Variants in KIF4A observed in about 807,000 individuals in gnomAD.
The protein encoded by KIF4A is kinesin family member 4A, also known as chromosome-associated kinesin KIF4A.
In KIF4A, 7 loss-of-function variants were observed where a neutral mutation model predicts 105.9. That is an observed-to-expected ratio of 0.07 (90% CI 0.04 to 0.12). The LOEUF (loss-of-function observed/expected upper bound fraction) is 0.12. Among genes scored for constraint, KIF4A ranks in the 10% least tolerant of loss-of-function variants. KIF4A has a pLI of 1.00. For missense variants in KIF4A, 558 were observed against 929.2 expected (o/e 0.60, Z 5.19); for synonymous variants, 281 against 331.3 (o/e 0.85, Z 1.65).
intron 24 of KIF4A, among the ~76,000 whole-genome samples, 184 bp downstream of exon 24, chrX:70,404,218 C>A (rs191402343): frequency 8.9e-6 from 1 of 112,133 alleles, no homozygotes; most frequent in African/African-American, 3.2e-5. Context: ...ATACCAGTGA[C>A]AATGGCTCTG....
chrX:70,362,401 C>T (rs752137060), intron 15 of KIF4A: 5 of 192,132 alleles, frequency 2.6e-5, no homozygotes, highest in Non-Finnish European at 2.0e-5. Flanking sequence ...CTGGGTGCCC[C>T]GCCCATTGTA....
intron 28 of KIF4A, among the ~76,000 whole-genome samples, chrX:70,412,058 T>C (rs777084361): frequency 2.7e-5 from 3 of 111,498 alleles, no homozygotes; most frequent in African/African-American, 9.8e-5. Flanking sequence ...AGGGACACAT[T>C]CTGTCTTTGA....
intron 13 of KIF4A, among the ~76,000 whole-genome samples, chrX:70,350,461 G>A (rs967984973): frequency 7.3e-5 from 8 of 109,900 alleles, no homozygotes; most frequent in South Asian, 4.0e-4. Context: ...GTCCAGCCTC[G>A]GCAACAGAGG....
At chrX:70,347,879 G>T (rs1453303766) in intron 13 of KIF4A, among the ~76,000 whole-genome samples, 3 of 90,593 alleles carry the variant, frequency 3.3e-5, no homozygotes, top group Non-Finnish European at 6.5e-5. Context: ...GGAGGCTGAG[G>T]CAGGAGAATG....
At chrX:70,371,230 G>A (rs186205307) in intron 15 of KIF4A, among the ~76,000 whole-genome samples, 151 of 63,688 alleles carry the variant, frequency 2.4e-3, no homozygotes, top group African/African-American at 4.9e-3. Flanking sequence ...TCTAGACTTC[G>A]TTTTCTTTTT....
intron 15 of KIF4A, chrX:70,362,464 T>G (rs970962823): frequency 1.5e-5 from 2 of 130,083 alleles, no homozygotes; most frequent in African/African-American, 6.4e-5. Flanking sequence ...TAGTAAGAGA[T>G]CTAGTCTTTT....
chrX:70,364,642 A>G (rs1475194442), intron 15 of KIF4A, among the ~76,000 whole-genome samples: 1 of 111,375 alleles, frequency 9.0e-6, no homozygotes, highest in East Asian at 2.8e-4. Flanking sequence ...TGGTTGCTGT[A>G]GCCTTGTAGT....
chrX:70,409,492 A>G (rs1362402925), intron 28 of KIF4A, among the ~76,000 whole-genome samples: 1 of 111,851 alleles, frequency 8.9e-6, no homozygotes, highest in Non-Finnish European at 1.9e-5. Flanking sequence ...GGCAGAGTTG[A>G]GAAGTACACA....
At position 70,313,824 on chromosome X, in the gene KIF4A, G is replaced by A. The variant is rs1360833985; in HGVS notation, c.778+11426G>A. On this transcript the variant is annotated intron_variant, in intron 7 of 30. Transcript: ENST00000374403. ...AGGAATTTTACTCAATTGCATTAGAGGGTTTTACATACACATTCTGGGTTG... is the reference window on the plus strand; with the variant it reads ...AGGAATTTTACTCAATTGCATTAGAAGGTTTTACATACACATTCTGGGTTG... Among the ~76,000 whole-genome samples the A allele has an allele frequency of 2.7e-5, 3 of 112,335 alleles. No individual in the cohort carries two copies. The East Asian group carries it at 8.3e-4, about 31-fold the overall frequency.
In KIF4A at chrX:70,405,921, A is replaced by C; in HGVS notation, c.2976+16A>C. On this transcript the variant is annotated intron_variant, in intron 26 of 30. Coordinates refer to ENST00000374403, the MANE Select transcript of KIF4A (RefSeq NM_012310.5). ...CATCAAGCAGGTAATACAGTTTCCC[A>C]CCCACTTGATAAGCCCTAAGAGACC... 1 of 1,181,641 alleles carries C rather than the reference A, an allele frequency of 8.5e-7. No individual in the cohort carries two copies. The highest frequency in any genetic ancestry group is 1.2e-6 in the Non-Finnish European group (1 of 868,456).
chrX:70,292,161 A>G (rs12006992), intron 3 of KIF4A, among the ~76,000 whole-genome samples: 1,841 of 111,933 alleles, frequency 0.016, 37 homozygotes, highest in African/African-American at 0.056. Context: ...ACAAAAAAGG[A>G]CTTTCTTCTA....
rs1194824037 is a variant in KIF4A, at chrX:70,386,676, A to G, written c.2093A>G (p.Asn698Ser). 28 of 1,203,452 alleles carry G rather than the reference A, an allele frequency of 2.3e-5. No individual in the cohort carries two copies. Among genetic ancestry groups the G allele is most frequent in the Non-Finnish European group, 3.0e-5 (27 of 889,221 alleles). Reference protein sequence around the residue: ...KLERNFQKQSNVLRRKTEEAA... With the variant: ...KLERNFQKQSSVLRRKTEEAA... ...GAAAGAAACTTCCAGAAACAATCCA[A>G]TGTGCTCAGACGTAAAACGGAGGAG... The change falls in exon 19 of 31, where the codon AAT becomes AGT. Residue 698 changes from asparagine (N) to serine (S), a missense_variant. Asn to Ser is a conservative substitution (Grantham distance 46). This residue lies in a region of KIF4A where 469 missense variants were observed against 680.4 expected (regional missense o/e 0.69). Coordinates refer to ENST00000374403, the MANE Select transcript of KIF4A (RefSeq NM_012310.5).
intron 5 of KIF4A, among the ~76,000 whole-genome samples, chrX:70,301,045 G>A (rs753932089): frequency 1.8e-5 from 2 of 111,939 alleles, no homozygotes; most frequent in African/African-American, 3.2e-5. Context: ...TTCAAAAGGA[G>A]AATGACTAGT....
At chrX:70,317,451 C>G (rs868722892) in intron 7 of KIF4A, among the ~76,000 whole-genome samples, 148 of 110,646 alleles carry the variant, frequency 1.3e-3, no homozygotes, top group African/African-American at 4.3e-3. Context: ...AAAACACTTC[C>G]AGCACCCATG....
At chrX:70,344,689 C>T (rs2085985414) in intron 13 of KIF4A, among the ~76,000 whole-genome samples, 1 of 111,659 alleles carries the variant, frequency 9.0e-6, no homozygotes, top group African/African-American at 3.3e-5. Context: ...GTTTATTATT[C>T]TGAAACAGTG....
chrX:70,353,365 A>G (rs904409520), intron 14 of KIF4A, among the ~76,000 whole-genome samples: 1 of 112,346 alleles, frequency 8.9e-6, no homozygotes, highest in East Asian at 2.8e-4. Context: ...ATCCAGATCA[A>G]TAAAGGAAAG....
chrX:70,355,889 C>T (rs2086049117), intron 15 of KIF4A, among the ~76,000 whole-genome samples: 1 of 112,089 alleles, frequency 8.9e-6, no homozygotes, highest in East Asian at 2.8e-4. Flanking sequence ...AAAAGTGTTT[C>T]TGCTAATTAA....
At chrX:70,323,910 T>G (rs907441189) in intron 7 of KIF4A, among the ~76,000 whole-genome samples, 11 of 109,732 alleles carry the variant, frequency 1.0e-4, no homozygotes, top group African/African-American at 3.7e-4. Flanking sequence ...CTTGACTCAC[T>G]GCAACCTCCA....
At chrX:70,322,094 C>A (rs375198463) in intron 7 of KIF4A, among the ~76,000 whole-genome samples, 31 of 109,945 alleles carry the variant, frequency 2.8e-4, no homozygotes, top group Admixed American at 5.8e-4. Context: ...CCCTCCCCCC[C>A]CAAAGTGGTT....
Sources: allele counts gnomAD v4.1 joint callset (sites outside exome capture counted in the v4.1 genomes callset), GRCh38; gene constraint gnomAD v4.1.1; regional missense constraint gnomAD v4.1.1; transcripts MANE v1.5; gene names NCBI Gene and HGNC (gene_info 2026-07-23, HGNC 2026-07-21).